Variants in NLGN1 observed in about 807,000 individuals in gnomAD.
NLGN1 encodes the protein neuroligin-1.
NLGN1 carries 12 observed loss-of-function variants against 65.5 expected under a neutral mutation model. The ratio of observed to expected loss-of-function variants is 0.18; its 90% CI spans 0.12 to 0.30. The LOEUF (loss-of-function observed/expected upper bound fraction) is 0.30. NLGN1 is among the 10% of genes least tolerant of loss of function. The pLI, the probability that NLGN1 is intolerant of heterozygous loss-of-function variation, is 1.00. For missense variants in NLGN1, 750 were observed against 1,007.1 expected (o/e 0.74, Z 3.46); for synonymous variants, 350 against 359.5 (o/e 0.97, Z 0.30).
At chr3:174,074,517 A>C (rs934069501) in intron 4 of NLGN1, among the ~76,000 whole-genome samples, 5 of 152,144 alleles carry the variant, frequency 3.3e-5, no homozygotes, top group Non-Finnish European at 7.4e-5. Context: ...TCTTGTTGCA[A>C]ACATATTGAA....
chr3:173,723,772 T>G (rs1480994338), intron 3 of NLGN1, among the ~76,000 whole-genome samples: 2 of 152,192 alleles, frequency 1.3e-5, no homozygotes, highest in Admixed American at 6.6e-5. Flanking sequence ...TTACTTTTAC[T>G]GCCATGAAAA....
At chr3:174,071,445 A>T (rs1580133444) in intron 4 of NLGN1, among the ~76,000 whole-genome samples, 1 of 151,950 alleles carries the variant, frequency 6.6e-6, no homozygotes, top group South Asian at 2.1e-4. Flanking sequence ...ACTTTGGGAG[A>T]CCGAGGTGGG....
chr3:174,268,127 CTA>C (rs1420929860), intron 4 of NLGN1, among the ~76,000 whole-genome samples: 1 of 152,158 alleles, frequency 6.6e-6, no homozygotes, highest in South Asian at 2.1e-4. Context: ...TCGAAGTGCA[CTA>C]TGTCTTTAAA....
chr3:174,275,816 C>CAAAG (rs1168737650), intron 5 of NLGN1, among the ~76,000 whole-genome samples: 3 of 151,968 alleles, frequency 2.0e-5, no homozygotes, highest in South Asian at 4.1e-4. Context: ...AAAAATCAGA[C>CAAAG]AAAGACGTTC....
In NLGN1 at chr3:174,108,938, G is replaced by T. The variant is rs1714585723; in HGVS notation, c.647-166377G>T. ...GTTCTCTCTCTATGTGTGTGTGTAT[G>T]TGAAATATATATAGTACATACACAC... On this transcript the variant is annotated intron_variant, in intron 4 of 6. Transcript: ENST00000457714. Among the ~76,000 whole-genome samples the T allele has an allele frequency of 2.0e-5, 3 of 152,060 alleles. No individual in the cohort carries two copies. In the South Asian group the frequency reaches 6.2e-4, roughly 32 times the overall value.
In NLGN1 at chr3:173,405,185, G is replaced by T. The variant is rs926475927; in HGVS notation, c.-390+6698G>T. On this transcript the variant is annotated intron_variant, in intron 1 of 6. Transcript: ENST00000457714. ...ACTGTTTTTGAAGGGCTCCGCGATT[G>T]TCTCCAGAATTTAATTCCAAGCAGC... Among the ~76,000 whole-genome samples, 4 of 152,048 alleles carry T rather than the reference G, an allele frequency of 2.6e-5. 1 individual carries two copies. Among genetic ancestry groups the T allele is most frequent in the Non-Finnish European group, 5.9e-5 (4 of 68,000 alleles).
intron 2 of NLGN1, among the ~76,000 whole-genome samples, chr3:173,505,663 A>G (rs1731924881): frequency 6.6e-6 from 1 of 152,096 alleles, no homozygotes; most frequent in African/African-American, 2.4e-5. Flanking sequence ...TACCTAAACT[A>G]TTCTTCAAAG....
intron 4 of NLGN1, among the ~76,000 whole-genome samples, chr3:174,150,234 T>C (rs1164067500): frequency 3.3e-5 from 5 of 152,112 alleles, no homozygotes; most frequent in African/African-American, 1.2e-4. Context: ...TAAGTGTAAA[T>C]ATATACTGGC....
intron 4 of NLGN1, among the ~76,000 whole-genome samples, chr3:174,100,991 G>A (rs1712315565): frequency 6.6e-6 from 1 of 152,042 alleles, no homozygotes; most frequent in African/African-American, 2.4e-5. Context: ...GAGGCCAAGA[G>A]CATAACTGTT....
intron 4 of NLGN1, among the ~76,000 whole-genome samples, chr3:174,167,623 T>C (rs912148315): frequency 6.8e-6 from 1 of 146,756 alleles, no homozygotes; most frequent in African/African-American, 2.5e-5. Context: ...CTAGTTGCCC[T>C]TAAGATTTTT....
At chr3:173,795,263 C>T (rs1330782833) in intron 3 of NLGN1, among the ~76,000 whole-genome samples, 1 of 151,984 alleles carries the variant, frequency 6.6e-6, no homozygotes, top group African/African-American at 2.4e-5. Flanking sequence ...AATTCACTTC[C>T]AATATCTCAT....
intron 4 of NLGN1, among the ~76,000 whole-genome samples, chr3:174,059,203 T>C (rs546160030): frequency 1.3e-5 from 2 of 152,140 alleles, no homozygotes; most frequent in Non-Finnish European, 2.9e-5. Flanking sequence ...ACGGGGTAAA[T>C]GGTGCAATCT....
At chr3:173,508,334 A>AT (rs1732375967) in intron 2 of NLGN1, among the ~76,000 whole-genome samples, 1 of 152,088 alleles carries the variant, frequency 6.6e-6, no homozygotes, top group East Asian at 1.9e-4. Context: ...GCATGTAATT[A>AT]TTTTTTCTGA....
intron 4 of NLGN1, among the ~76,000 whole-genome samples, chr3:173,872,543 G>A (rs569732222): frequency 6.6e-6 from 1 of 152,214 alleles, no homozygotes; most frequent in African/African-American, 2.4e-5. Context: ...AAAGACTTTG[G>A]TGTGAGTTTG....
Position 173,600,592 on chromosome 3 carries a change from C to CTTTTTTTTTTTTT in NLGN1, c.-320-3678_-320-3677insTTTTTTTTTTTTT, listed in dbSNP as rs150984290. On this transcript the variant is annotated intron_variant, in intron 2 of 6. Coordinates refer to ENST00000457714, the Ensembl canonical transcript of NLGN1. The stretch of plus-strand genomic sequence containing the variant: ...AAGCAAGGTAGAAATAAAAACATAT[C>CTTTTTTTTTTTTT]TTTTTTTTTAGAAAAAGATATGTAA... Among the ~76,000 whole-genome samples, 21 of 103,460 alleles carry CTTTTTTTTTTTTT rather than the reference C, an allele frequency of 2.0e-4. 4 individuals are homozygous for CTTTTTTTTTTTTT. Among genetic ancestry groups the CTTTTTTTTTTTTT allele is most frequent in the Admixed American group, 4.9e-4 (4 of 8,088 alleles). 67.9% of individuals were successfully genotyped at this position (103,460 alleles called of 152,430 possible).
At chr3:173,848,834 TCTGA>T (rs1264117504) in intron 4 of NLGN1, among the ~76,000 whole-genome samples, 7 of 152,326 alleles carry the variant, frequency 4.6e-5, no homozygotes, top group African/African-American at 1.2e-4. Flanking sequence ...TATTTTATTT[TCTGA>T]CTATTACAAA....
intron 3 of NLGN1, among the ~76,000 whole-genome samples, chr3:173,759,495 G>A (rs115530495): frequency 0.014 from 2,055 of 151,938 alleles, 29 homozygotes; most frequent in Non-Finnish European, 0.02. Flanking sequence ...ATTTGAACAC[G>A]TTTTCACATT....
chr3:174,285,659 T>G (rs1160089417), exon 7 of NLGN1: 2 of 151,520 alleles, frequency 1.3e-5, no homozygotes, highest in African/African-American at 4.8e-5. Context: ...GATTTGATTT[T>G]ATTCTGGCAC....
At chr3:174,059,687 C>G (rs76243804) in intron 4 of NLGN1, among the ~76,000 whole-genome samples, 3,708 of 152,184 alleles carry the variant, frequency 0.024, 140 homozygotes, top group African/African-American at 0.081. Context: ...TATGGAGAAT[C>G]CATTATGTGG....
Sources: allele counts gnomAD v4.1 joint callset (sites outside exome capture counted in the v4.1 genomes callset), GRCh38; gene constraint gnomAD v4.1.1; transcripts MANE v1.5; gene names NCBI Gene and HGNC (gene_info 2026-07-23, HGNC 2026-07-21).